Variants in ARPP19 observed in about 807,000 individuals in gnomAD.
ARPP19 encodes cAMP regulated phosphoprotein 19.
A neutral mutation model predicts 12.0 loss-of-function variants in ARPP19; 8 were observed. The ratio of observed to expected loss-of-function variants is 0.67; its 90% confidence interval spans 0.39 to 1.21. The LOEUF is 1.21. Among genes scored for constraint, ARPP19 ranks in the 50% most tolerant of loss-of-function variants. The pLI is 0.01. For synonymous variants in ARPP19, 47 were observed against 50.4 expected, an observed-to-expected ratio of 0.93 and a Z score of 0.29; for missense variants, 102 against 136.3, an observed-to-expected ratio of 0.75 and a Z score of 1.25.
intron 1 of ARPP19, among the ~76,000 whole-genome samples, chr15:52,561,971 T>G (rs1023063005): frequency 7.5e-5 from 11 of 145,730 alleles, no homozygotes; most frequent in Non-Finnish European, 1.2e-4. Flanking sequence ...AGATACATGG[T>G]CTTCCTATGT....
At chr15:52,567,754 TAAGAA>T (rs1310559667) in intron 1 of ARPP19, among the ~76,000 whole-genome samples, 2 of 152,118 alleles carry the variant, frequency 1.3e-5, no homozygotes, top group African/African-American at 4.8e-5. Context: ...GCACCCAACT[TAAGAA>T]AAGTTAACAC....
chr15:52,565,407 C>A (rs2078072098), intron 1 of ARPP19, among the ~76,000 whole-genome samples: 1 of 152,210 alleles, frequency 6.6e-6, no homozygotes, highest in African/African-American at 2.4e-5. Context: ...CTGATAGATT[C>A]ATGAGATCTG....
intron 1 of ARPP19, among the ~76,000 whole-genome samples, chr15:52,561,799 C>T (rs988061396): frequency 6.6e-6 from 1 of 151,318 alleles, no homozygotes; most frequent in African/African-American, 2.4e-5. Flanking sequence ...AAAACCTAGC[C>T]ACTTGTGGAG....
chr15:52,563,109 C>T (rs2078050545), intron 1 of ARPP19, among the ~76,000 whole-genome samples: 1 of 151,934 alleles, frequency 6.6e-6, no homozygotes, highest in Non-Finnish European at 1.5e-5. Flanking sequence ...CTCCTGACCT[C>T]GTGATCCATC....
intron 1 of ARPP19, among the ~76,000 whole-genome samples, chr15:52,565,092 T>C (rs2078069359): frequency 6.7e-6 from 1 of 149,788 alleles, no homozygotes; most frequent in African/African-American, 2.4e-5. Flanking sequence ...AGTGGCGCCA[T>C]CAAAGCTCAC....
upstream of ARPP19, chr15:52,569,049 GCTCC>G (rs549096312): frequency 3.4e-4 from 208 of 605,024 alleles, 1 homozygote; most frequent in African/African-American, 4.0e-3. Context: ...GCCGCGAAAC[GCTCC>G]GCTGGCCAAG....
rs761326485 is a variant in ARPP19, at chr15:52,568,827, G to A, written c.45+21C>T. On this transcript the variant is annotated intron_variant, in intron 1 of 2. Transcript: ENST00000249822. Reference sequence around the variant, plus strand: ...GACCCGGCCTTGGGCAGGGCCCAGGGCTCACGCCCCGCGCGCTCACCTTCT... The same window carrying A: ...GACCCGGCCTTGGGCAGGGCCCAGGACTCACGCCCCGCGCGCTCACCTTCT... The A allele has an allele frequency of 9.6e-6, 15 of 1,561,876 alleles. No individual in the cohort carries two copies. The East Asian group carries it at 1.8e-4, about 19-fold the overall frequency.
rs1319036186 is a variant in ARPP19 at position 52,551,422 on chromosome 15, A to G, written c.*512T>C. 6.5e-6 allele frequency: 1 copy of G among 152,936 alleles called. No homozygotes were observed. Among genetic ancestry groups the G allele is most frequent in the African/African-American group, 2.4e-5 (1 of 41,474 alleles). The allele number at this position is 152,936 out of a possible 1,614,324, so 9.5% of individuals were successfully genotyped here. On this transcript the variant is annotated 3_prime_UTR_variant, in exon 3 of 3. Coordinates refer to ENST00000249822, the MANE Select transcript of ARPP19 (RefSeq NM_006628.6). ...TTAAAGCTGAAACAGGTTTAAGGCC[A>G]TTCAAGTTCAAGCACAGAGATACAA...
rs542747673 is a variant in ARPP19, at chr15:52,548,495, A to C, written c.*3439T>G. On this transcript the variant is annotated 3_prime_UTR_variant, in exon 3 of 3. Coordinates refer to ENST00000249822, the MANE Select transcript of ARPP19 (RefSeq NM_006628.6). ...GTGAGACTCCATCTCAAAAAAAAAAAAGAATAAAATAAAATAAATCACAAG... is the reference window on the plus strand; with the variant it reads ...GTGAGACTCCATCTCAAAAAAAAAACAGAATAAAATAAAATAAATCACAAG... The C allele has an allele frequency of 6.6e-6, 1 of 152,310 alleles. No individual in the cohort carries two copies. The highest frequency in any genetic ancestry group is 2.1e-4 in the South Asian group (1 of 4,824). The allele number at this position is 152,310 out of a possible 1,614,324, so 9.4% of individuals were successfully genotyped here.
chr15:52,567,771 G>A (rs1280842654), intron 1 of ARPP19, among the ~76,000 whole-genome samples: 1 of 152,084 alleles, frequency 6.6e-6, no homozygotes, highest in African/African-American at 2.4e-5. Flanking sequence ...AGTTAACACG[G>A]TTTTAAGAAC....
chr15:52,554,016 A>G, intron 2 of ARPP19, among the ~76,000 whole-genome samples: 1 of 152,268 alleles, frequency 6.6e-6, no homozygotes, highest in East Asian at 1.9e-4. Context: ...AAATGAGCAG[A>G]CAGAAAAACC....
At position 52,549,237 on chromosome 15, in the gene ARPP19, C is replaced by T. The variant is rs1193465184; in HGVS notation, c.*2697G>A. The stretch of plus-strand genomic sequence containing the variant: ...GGACAGTTATTAAAATTAACCATTT[C>T]TGAGACTGTAACTTTGAAATTGTAA... On this transcript the variant is annotated 3_prime_UTR_variant, in exon 3 of 3. Transcript: ENST00000249822. The T allele has an allele frequency of 6.6e-6, 1 of 152,164 alleles. No homozygotes were observed. The highest frequency in any genetic ancestry group is 2.4e-5 in the African/African-American group (1 of 41,432). The allele number at this position is 152,164 out of a possible 1,614,324, so 9.4% of individuals were successfully genotyped here. A position where few individuals can be genotyped will look rare whatever the true frequency, so the allele number is the denominator to read the frequency against.
intron 1 of ARPP19, among the ~76,000 whole-genome samples, chr15:52,562,361 C>T (rs2078041547): frequency 6.6e-6 from 1 of 151,790 alleles, no homozygotes; most frequent in African/African-American, 2.4e-5. Context: ...TCAGTAACAA[C>T]AAAAAAATTA....
rs1283719188 is a variant in ARPP19 at position 52,568,833 on chromosome 15, GC to G, written c.45+14del. On this transcript the variant is annotated intron_variant, in intron 1 of 2. Transcript: ENST00000249822. ...GCCTTGGGCAGGGCCCAGGGCTCACGCCCCGCGCGCTCACCTTCTGCTCCTC... is the reference window on the plus strand; with the variant it reads ...GCCTTGGGCAGGGCCCAGGGCTCACGCCCGCGCGCTCACCTTCTGCTCCTC... 2 of 1,565,018 alleles carry G rather than the reference GC, an allele frequency of 1.3e-6. No homozygotes were observed. The highest frequency in any genetic ancestry group is 1.7e-6 in the Non-Finnish European group (2 of 1,159,924).
chr15:52,547,272 CAAGTAT>C lies in ARPP19; in HGVS notation c.*4656_*4661del, dbSNP rs1014518855. ...GGTAGATCCATTTATTTTTTAAATA[CAAGTAT>C]AATTTTGGAAGGGGTATTTGACAAA... On this transcript the variant is annotated 3_prime_UTR_variant, in exon 3 of 3. Transcript: ENST00000249822. 1.3e-5 allele frequency: 2 copies of C among 151,902 alleles called. No individual in the cohort carries two copies. The highest frequency in any genetic ancestry group is 4.8e-5 in the African/African-American group (2 of 41,324). 9.4% of individuals were successfully genotyped at this position (151,902 alleles called of 1,614,324 possible).
rs1477205639 is a variant in ARPP19, at chr15:52,551,062, G to A, written c.*872C>T. 1 of 152,670 alleles carries A rather than the reference G, an allele frequency of 6.6e-6. No homozygotes were observed. Among genetic ancestry groups the A allele is most frequent in the Non-Finnish European group, 1.5e-5 (1 of 68,048 alleles). 9.5% of individuals were successfully genotyped at this position (152,670 alleles called of 1,614,324 possible). A position where few individuals can be genotyped will look rare whatever the true frequency, so the allele number is the denominator to read the frequency against. On this transcript the variant is annotated 3_prime_UTR_variant, in exon 3 of 3. Transcript: ENST00000249822. ...TCAGTTTGGTATTCTATAAGCCCGA[G>A]ATTGTAAACTACTCTTATTATACAA...
upstream of ARPP19, chr15:52,569,243 T>G: frequency 6.1e-6 from 2 of 325,362 alleles, no homozygotes; most frequent in Non-Finnish European, 1.1e-5. Context: ...AGTTTCTAAG[T>G]GGAACCGCCC....
intron 1 of ARPP19, among the ~76,000 whole-genome samples, chr15:52,561,749 C>G (rs1284418558): frequency 6.6e-6 from 1 of 151,126 alleles, no homozygotes; most frequent in African/African-American, 2.4e-5. Context: ...AAGCAACAGA[C>G]TGTCCATTTA....
At chr15:52,568,721 G>A (rs962226316) in intron 1 of ARPP19, 127 bp downstream of exon 1, 9 of 576,924 alleles carry the variant, frequency 1.6e-5, no homozygotes, top group Non-Finnish European at 2.3e-5. Flanking sequence ...CAAAGGTGGG[G>A]CGCAGGAGCC....
Sources: gnomAD v4.1 joint callset for allele counts (sites outside exome capture counted in the v4.1 genomes callset) on GRCh38, gnomAD v4.1.1 for gene constraint, MANE v1.5 for transcripts, NCBI Gene and HGNC (gene_info 2026-07-23, HGNC 2026-07-21) for gene names.